Variants in PPFIA2 observed in about 807,000 individuals in gnomAD.
PPFIA2 encodes the protein PPFI scaffold protein A2.
In PPFIA2, 46 loss-of-function variants were observed where a neutral mutation model predicts 175.5. That is an observed-to-expected ratio of 0.26 (90% CI 0.21 to 0.34). PPFIA2 has a LOEUF of 0.34. Ranked by LOEUF, PPFIA2 falls within the 10% of genes least tolerant of loss-of-function variation. The pLI is 1.00. For synonymous variants in PPFIA2, 568 were observed against 511.4 expected (o/e 1.11, Z -1.49); for missense variants, 1,179 against 1,506.1 (o/e 0.78, Z 3.60).
In PPFIA2 at chr12:81,404,709, C is replaced by T. The variant is rs928511885; in HGVS notation, c.762+1078G>A. On this transcript the variant is annotated intron_variant, in intron 8 of 32. Transcript: ENST00000549396. ...AGCCACCAGAATTGAAGCTTCTTTC[C>T]GGAAATTCATCTGATTTACTTACTT... is the stretch of plus-strand genomic sequence containing the variant. Among the ~76,000 whole-genome samples, 3 of 152,072 alleles carry T rather than the reference C, an allele frequency of 2.0e-5. No individual in the cohort carries two copies. The East Asian group carries it at 5.8e-4, about 29-fold the overall frequency.
intron 4 of PPFIA2, among the ~76,000 whole-genome samples, chr12:81,633,119 T>G (rs537986805): frequency 6.6e-6 from 1 of 152,220 alleles, no homozygotes; most frequent in South Asian, 2.1e-4. Flanking sequence ...AATGTGGCAT[T>G]TGTGCTCAGG....
intron 22 of PPFIA2, among the ~76,000 whole-genome samples, chr12:81,317,559 G>A (rs7958510): frequency 0.73 from 110,713 of 151,080 alleles, 43,023 homozygotes; most frequent in Non-Finnish European, 0.88. Flanking sequence ...GTACATGGAC[G>A]TGTGTAGAGG....
intron 22 of PPFIA2, among the ~76,000 whole-genome samples, chr12:81,320,189 C>A (rs746281261): frequency 5.3e-5 from 8 of 151,890 alleles, no homozygotes; most frequent in Non-Finnish European, 1.0e-4. Flanking sequence ...CTGAACCTGC[C>A]AAATGCCAAA....
chr12:81,516,158 T>G (rs967466222), intron 4 of PPFIA2, among the ~76,000 whole-genome samples: 4 of 152,154 alleles, frequency 2.6e-5, no homozygotes, highest in South Asian at 2.1e-4. Flanking sequence ...TTTTATCATT[T>G]CTAAGTTCAA....
At chr12:81,638,934 G>A (rs1436026890) in intron 4 of PPFIA2, among the ~76,000 whole-genome samples, 17 of 151,578 alleles carry the variant, frequency 1.1e-4, no homozygotes, top group South Asian at 4.2e-4. Flanking sequence ...TGATCCGCCC[G>A]CCTCGGCCTC....
chr12:81,493,901 A>G (rs1324005611), intron 4 of PPFIA2, among the ~76,000 whole-genome samples: 1 of 151,334 alleles, frequency 6.6e-6, no homozygotes, highest in Non-Finnish European at 1.5e-5. Flanking sequence ...AGTCAATAAG[A>G]AAATAAACAT....
chr12:81,461,022 C>T (rs2054442582), intron 4 of PPFIA2, among the ~76,000 whole-genome samples: 1 of 152,000 alleles, frequency 6.6e-6, no homozygotes, highest in Non-Finnish European at 1.5e-5. Context: ...AATTATATTT[C>T]CCAAGGTCAT....
intron 4 of PPFIA2, among the ~76,000 whole-genome samples, chr12:81,463,394 C>G (rs1269316616): frequency 1.3e-5 from 2 of 152,150 alleles, no homozygotes; most frequent in East Asian, 3.9e-4. Flanking sequence ...TTAGGTCAGT[C>G]GCCAACTACT....
intron 4 of PPFIA2, chr12:81,512,493 A>C: frequency 3.0e-6 from 1 of 334,886 alleles, no homozygotes; most frequent in Non-Finnish European, 4.9e-6. Flanking sequence ...GCACTTAAAA[A>C]TAATTTTAGC....
At chr12:81,631,791 A>C (rs2063417229) in intron 4 of PPFIA2, among the ~76,000 whole-genome samples, 1 of 152,202 alleles carries the variant, frequency 6.6e-6, no homozygotes, top group African/African-American at 2.4e-5. Context: ...CAGTCGCCAA[A>C]CACCTCGCCT....
intron 4 of PPFIA2, among the ~76,000 whole-genome samples, chr12:81,626,233 G>A (rs988881725): frequency 6.6e-6 from 1 of 151,534 alleles, no homozygotes; most frequent in Non-Finnish European, 1.5e-5. Context: ...GGTGGGATGG[G>A]GGCTCTAAAG....
At chr12:81,706,354 A>C (rs1413345459) in intron 3 of PPFIA2, among the ~76,000 whole-genome samples, 1 of 152,176 alleles carries the variant, frequency 6.6e-6, no homozygotes, top group Non-Finnish European at 1.5e-5. Context: ...TTTTCAATTA[A>C]ATTTGAAATG....
rs1567688555 is a variant in PPFIA2 at position 81,642,736 on chromosome 12, T to TATTATATACATACA, written c.303+34054_303+34055insTGTATGTATATAAT. 9.1e-4 allele frequency among the ~76,000 whole-genome samples: 25 copies of TATTATATACATACA among 27,528 alleles called. 3 individuals are homozygous for TATTATATACATACA. Among genetic ancestry groups the TATTATATACATACA allele is most frequent in the Admixed American group, 1.6e-3 (5 of 3,146 alleles). The allele number at this position is 27,528 out of a possible 152,430, so 18.1% of individuals were successfully genotyped here. A position where few individuals can be genotyped will look rare whatever the true frequency, so the allele number is the denominator to read the frequency against. Reference sequence around the variant, plus strand: ...TATGTATTATATACATACATGTATATGTATGTATGTATTATATACATACAT... The same window carrying TATTATATACATACA: ...TATGTATTATATACATACATGTATATATTATATACATACAGTATGTATGTATTATATACATACAT... On this transcript the variant is annotated intron_variant, in intron 4 of 32. Transcript: ENST00000549396.
intron 4 of PPFIA2, among the ~76,000 whole-genome samples, chr12:81,666,541 C>T (rs1166912340): frequency 6.6e-6 from 1 of 152,060 alleles, no homozygotes; most frequent in African/African-American, 2.4e-5. Flanking sequence ...TGTTCTCACT[C>T]ATAGGTGGGA....
At chr12:81,555,165 G>T (rs974133934) in intron 4 of PPFIA2, among the ~76,000 whole-genome samples, 3 of 151,914 alleles carry the variant, frequency 2.0e-5, no homozygotes, top group Non-Finnish European at 4.4e-5. Flanking sequence ...AAAGCTCTAA[G>T]AAATCTGTAA....
intron 4 of PPFIA2, among the ~76,000 whole-genome samples, chr12:81,494,772 G>T (rs962071103): frequency 4.0e-5 from 6 of 151,706 alleles, no homozygotes; most frequent in Non-Finnish European, 8.8e-5. Context: ...CCATAAAAAA[G>T]GATGAGTCCA....
rs529691452 is a variant in PPFIA2 at position 81,403,513 on chromosome 12, C to G, written c.762+2274G>C. Among the ~76,000 whole-genome samples, 11 of 152,258 alleles carry G rather than the reference C, an allele frequency of 7.2e-5. No homozygotes were observed. The East Asian group carries it at 2.1e-3, about 29-fold the overall frequency. On this transcript the variant is annotated intron_variant, in intron 8 of 32. Transcript: ENST00000549396. Reference sequence around the variant, plus strand: ...TGGTCAGGTGGTTGTTAAACTCTCTCTGTAAAACAATTATTGGTTGCTGCC... The same window carrying G: ...TGGTCAGGTGGTTGTTAAACTCTCTGTGTAAAACAATTATTGGTTGCTGCC...
intron 19 of PPFIA2, among the ~76,000 whole-genome samples, chr12:81,344,098 C>A (rs956958593): frequency 1.3e-5 from 2 of 152,018 alleles, no homozygotes; most frequent in Admixed American, 6.6e-5. Context: ...TCCATCCTAA[C>A]CTGCTTATCC....
chr12:81,650,355 A>G (rs2153531398), intron 4 of PPFIA2, among the ~76,000 whole-genome samples: 1 of 152,076 alleles, frequency 6.6e-6, no homozygotes, highest in East Asian at 1.9e-4. Flanking sequence ...TCTCTATTGT[A>G]CCTGAGTAAA....
Sources: gnomAD v4.1 joint callset for allele counts (sites outside exome capture counted in the v4.1 genomes callset) on GRCh38, gnomAD v4.1.1 for gene constraint, MANE v1.5 for transcripts, NCBI Gene and HGNC (gene_info 2026-07-23, HGNC 2026-07-21) for gene names.